ACTL8: variants seen among roughly 807,000 people sequenced by gnomAD.
ACTL8 encodes actin-like protein 8.
A neutral mutation model predicts 9.3 loss-of-function variants in ACTL8; 3 were observed. The observed-to-expected ratio is 0.32, with a 90% CI of 0.15 to 0.83. The LOEUF is 0.83. Ranked by LOEUF, ACTL8 falls within the 40% of genes least tolerant of loss-of-function variation. The pLI is 0.57. For missense variants in ACTL8, 381 were observed against 492.2 expected (o/e 0.77, Z 2.14); for synonymous variants, 224 against 205.9 (o/e 1.09, Z -0.75).
chr1:17,790,080 G>C (rs909290212), intron 1 of ACTL8, among the ~76,000 whole-genome samples: 4 of 152,208 alleles, frequency 2.6e-5, no homozygotes, highest in Non-Finnish European at 5.9e-5. Context: ...GGGGCAGGCA[G>C]CTCTGGGTGC....
Position 17,826,477 on chromosome 1 carries a change from G to A in ACTL8, c.1059G>A (p.Glu353=), listed in dbSNP as rs1198598066. The A allele has an allele frequency of 6.2e-7, 1 of 1,607,490 alleles. No individual in the cohort carries two copies. Among genetic ancestry groups the A allele is most frequent in the African/African-American group, 1.3e-5 (1 of 74,788 alleles). ...VVAHLSTYQS[E]WMSREEYGEH... ...CTCACCTTTCTACCTACCAGTCTGA[G>A]TGGATGTCCCGAGAGGAGTATGGTG... is the stretch of plus-strand genomic sequence containing the variant. The change falls in exon 3 of 3, where the codon GAG becomes GAA. Residue 353 remains glutamate (E), a synonymous_variant. Coordinates refer to ENST00000375406, the MANE Select transcript of ACTL8 (RefSeq NM_030812.3). This position sits in a 1 kb window ranked among gnomAD's most constrained non-coding sequence, Gnocchi z 4.5.
chr1:17,802,798 C>CA (rs1347238061), intron 1 of ACTL8, among the ~76,000 whole-genome samples: 1 of 152,058 alleles, frequency 6.6e-6, no homozygotes, highest in African/African-American at 2.4e-5. Flanking sequence ...GCCTGGTCAA[C>CA]ATGGCGAAAC....
At chr1:17,816,047 A>C (rs2066424396) in intron 1 of ACTL8, among the ~76,000 whole-genome samples, 1 of 152,200 alleles carries the variant, frequency 6.6e-6, no homozygotes, top group African/African-American at 2.4e-5. Flanking sequence ...GGAATAAGTA[A>C]ATCAAGCTGG....
At chr1:17,812,427 C>CTTTTTTTTTTTTTTTT (rs141182523) in intron 1 of ACTL8, among the ~76,000 whole-genome samples, 4 of 122,412 alleles carry the variant, frequency 3.3e-5, no homozygotes, top group Admixed American at 1.9e-4. Flanking sequence ...ATTTTTTTTC[C>CTTTTTTTTTTTTTTTT]TTTTTTTTTT....
intron 1 of ACTL8, among the ~76,000 whole-genome samples, chr1:17,808,997 C>T (rs1399058914): frequency 1.3e-5 from 2 of 152,060 alleles, no homozygotes; most frequent in Admixed American, 6.6e-5. Flanking sequence ...AGGAAAGTAA[C>T]CAGAAGCCTA....
chr1:17,781,310 A>G (rs2066153339), intron 1 of ACTL8, among the ~76,000 whole-genome samples: 1 of 150,276 alleles, frequency 6.7e-6, no homozygotes. Flanking sequence ...GTGCGATCTC[A>G]GCTTGCTGCA....
At chr1:17,783,894 C>T (rs1443176779) in intron 1 of ACTL8, among the ~76,000 whole-genome samples, 1 of 152,218 alleles carries the variant, frequency 6.6e-6, no homozygotes. Flanking sequence ...GCTTAAGAGT[C>T]TCTAGGATGG....
chr1:17,819,578 G>A (rs1238417271), intron 1 of ACTL8, among the ~76,000 whole-genome samples: 1 of 152,206 alleles, frequency 6.6e-6, no homozygotes. Flanking sequence ...TGCTGCCTTC[G>A]GGCTGAGCTG....
chr1:17,781,652 G>A (rs774251151), intron 1 of ACTL8, among the ~76,000 whole-genome samples: 11 of 152,170 alleles, frequency 7.2e-5, no homozygotes, highest in Non-Finnish European at 1.5e-4. Context: ...TTCCAGATAA[G>A]GTTACATTCT....
chr1:17,814,548 G>T (rs909502668), intron 1 of ACTL8, among the ~76,000 whole-genome samples: 7 of 150,266 alleles, frequency 4.7e-5, no homozygotes, highest in Non-Finnish European at 8.9e-5. Flanking sequence ...AACAAAACAA[G>T]ACAATACATA....
At chr1:17,813,128 T>TGTTTCTTCAGTCTTGC (rs1553123449) in intron 1 of ACTL8, among the ~76,000 whole-genome samples, 4 of 152,210 alleles carry the variant, frequency 2.6e-5, no homozygotes, top group African/African-American at 9.6e-5. Flanking sequence ...ATGTGTCTTT[T>TGTTTCTTCAGTCTTGC]GTTTCTTCAG....
intron 1 of ACTL8, among the ~76,000 whole-genome samples, chr1:17,819,817 G>T (rs2053634998): frequency 6.6e-6 from 1 of 152,058 alleles, no homozygotes; most frequent in South Asian, 2.1e-4. Flanking sequence ...GATTGCTTGA[G>T]CCCGGGAGTT....
At chr1:17,815,061 A>G (rs955125807) in intron 1 of ACTL8, among the ~76,000 whole-genome samples, 1 of 152,186 alleles carries the variant, frequency 6.6e-6, no homozygotes, top group African/African-American at 2.4e-5. Context: ...AAGACAATAC[A>G]TACCATTATG....
At chr1:17,792,658 C>T (rs2066248461) in intron 1 of ACTL8, among the ~76,000 whole-genome samples, 1 of 152,218 alleles carries the variant, frequency 6.6e-6, no homozygotes, top group Admixed American at 6.5e-5. Flanking sequence ...TTTGTGTTGA[C>T]ATTGGGACAG....
At chr1:17,759,093 A>G (rs1353546578) in intron 1 of ACTL8, among the ~76,000 whole-genome samples, 1 of 152,214 alleles carries the variant, frequency 6.6e-6, no homozygotes, top group African/African-American at 2.4e-5. Flanking sequence ...GTTGTACAGG[A>G]CTTCAGTGGT....
intron 1 of ACTL8, among the ~76,000 whole-genome samples, chr1:17,761,759 C>A (rs563797827): frequency 6.6e-6 from 1 of 152,044 alleles, no homozygotes; most frequent in Non-Finnish European, 1.5e-5. Context: ...TTAGTAGAGA[C>A]GGGGTTTCAC....
intron 2 of ACTL8, among the ~76,000 whole-genome samples, chr1:17,824,497 T>G (rs1219466236): frequency 1.3e-5 from 2 of 152,232 alleles, no homozygotes; most frequent in Non-Finnish European, 2.9e-5. Context: ...CAGCAGAGAC[T>G]GTTTGAGACC....
intron 1 of ACTL8, among the ~76,000 whole-genome samples, chr1:17,758,810 G>A (rs889940703): frequency 2.0e-5 from 3 of 152,146 alleles, no homozygotes; most frequent in Non-Finnish European, 4.4e-5. Flanking sequence ...TATTTTCTGA[G>A]CTCCTGAATA....
At chr1:17,762,916 C>G (rs1214468005) in intron 1 of ACTL8, among the ~76,000 whole-genome samples, 1 of 152,098 alleles carries the variant, frequency 6.6e-6, no homozygotes, top group Non-Finnish European at 1.5e-5. Flanking sequence ...CCTGGTGGGG[C>G]CCGCGCAATA....
Sources: gnomAD v4.1 joint callset for allele counts (sites outside exome capture counted in the v4.1 genomes callset) on GRCh38, gnomAD v4.1.1 for gene constraint, Gnocchi (gnomAD v3.1) non-coding constraint, MANE v1.5 for transcripts, NCBI Gene and HGNC (gene_info 2026-07-23, HGNC 2026-07-21) for gene names.